Variants in DNAJC6 observed in about 807,000 individuals in gnomAD.
DNAJC6 encodes DnaJ heat shock protein family (Hsp40) member C6, also known as auxilin.
DNAJC6 carries 34 observed loss-of-function variants against 110.0 expected under a neutral mutation model. The ratio of observed to expected loss-of-function variants is 0.31; its 90% CI spans 0.24 to 0.41. DNAJC6 has a LOEUF of 0.41. Among genes scored for constraint, DNAJC6 ranks in the 10% least tolerant of loss-of-function variants. The probability of loss-of-function intolerance (pLI) is 1.00; values close to 1 mark genes in which losing one functional copy is unlikely to be tolerated. For synonymous variants in DNAJC6, 406 were observed against 437.2 expected (o/e 0.93, Z 0.89); for missense variants, 1,031 against 1,207.8 (o/e 0.85, Z 2.17).
chr1:65,345,116 A>G (rs1570305926), intron 1 of DNAJC6, among the ~76,000 whole-genome samples: 1 of 24,936 alleles, frequency 4.0e-5, no homozygotes, highest in Non-Finnish European at 8.4e-5. Context: ...GGAAGGTATC[A>G]TAGGCCTTCT....
intron 1 of DNAJC6, among the ~76,000 whole-genome samples, chr1:65,364,036 G>C (rs1337991550): frequency 6.6e-6 from 1 of 152,052 alleles, no homozygotes; most frequent in Non-Finnish European, 1.5e-5. Flanking sequence ...GGGCCGAGGA[G>C]TGCCCTGGAC....
At chr1:65,296,135 G>C (rs1003571874) in intron 1 of DNAJC6, among the ~76,000 whole-genome samples, 2 of 152,104 alleles carry the variant, frequency 1.3e-5, no homozygotes, top group African/African-American at 2.4e-5. Context: ...AGATTTCAGA[G>C]GCAAAGATGA....
At position 65,386,735 on chromosome 1, in the gene DNAJC6, A is replaced by T; in HGVS notation, c.996-77A>T. The T allele has an allele frequency of 1.2e-5, 15 of 1,249,032 alleles. 2 individuals carry two copies. The South Asian group carries it at 1.7e-4, about 14-fold the overall frequency. The allele number at this position is 1,249,032 out of a possible 1,614,324, so 77.4% of individuals were successfully genotyped here. On this transcript the variant is annotated intron_variant, in intron 7 of 18. Coordinates refer to ENST00000371069, the MANE Select transcript of DNAJC6 (RefSeq NM_001256864.2). ...GAACAGTCCTCTGGGCCAGAGCCAT[A>T]GAGAACTATACCTGTGTCTGTGTGA...
At chr1:65,328,821 C>T (rs2101443994) in intron 1 of DNAJC6, among the ~76,000 whole-genome samples, 1 of 152,300 alleles carries the variant, frequency 6.6e-6, no homozygotes, top group South Asian at 2.1e-4. Flanking sequence ...TTATAATTCT[C>T]CACCCTCCTC....
chr1:65,338,989 T>C (rs933697587), intron 1 of DNAJC6, among the ~76,000 whole-genome samples: 4 of 152,214 alleles, frequency 2.6e-5, no homozygotes, highest in Admixed American at 2.6e-4. Flanking sequence ...GCCCTCTGCG[T>C]CACATTATCC....
Position 65,401,753 on chromosome 1 carries a change from C to G in DNAJC6, c.2108-8C>G. On this transcript the variant is annotated splice_region_variant and splice_polypyrimidine_tract_variant and intron_variant, in intron 14 of 18. Transcript: ENST00000371069. ...AACTCATTTTCAATGACCTTATTTC[C>G]TTTTCAGGAGGCTTTGGAATGGGAA... is the stretch of plus-strand genomic sequence containing the variant. 6.2e-7 allele frequency: 1 copy of G among 1,608,412 alleles called. No homozygotes were observed.
chr1:65,414,202 C>T lies in DNAJC6; in HGVS notation c.*1177C>T, dbSNP rs148516808. On this transcript the variant is annotated 3_prime_UTR_variant, in exon 19 of 19. Coordinates refer to ENST00000371069, the MANE Select transcript of DNAJC6 (RefSeq NM_001256864.2). ...AAAAGTGGTTGGGGATCCACAGGAA[C>T]GACATTCATACAGGGACATTTGTGA... The T allele has an allele frequency of 1.7e-4, 26 of 152,270 alleles. No homozygotes were observed. The highest frequency in any genetic ancestry group is 4.8e-4 in the African/African-American group (20 of 41,542). The allele number at this position is 152,270 out of a possible 1,614,324, so 9.4% of individuals were successfully genotyped here.
intron 18 of DNAJC6, among the ~76,000 whole-genome samples, chr1:65,412,352 T>C (rs1646136659): frequency 6.6e-6 from 1 of 152,210 alleles, no homozygotes; most frequent in African/African-American, 2.4e-5. Flanking sequence ...ATACCAGTCA[T>C]ATGACATGAA....
rs1352841073 is a variant in DNAJC6 at position 65,413,480 on chromosome 1, T to TC, written c.*457dup. 1 of 153,166 alleles carries TC rather than the reference T, an allele frequency of 6.5e-6. No homozygotes were observed. Among genetic ancestry groups the TC allele is most frequent in the African/African-American group, 2.4e-5 (1 of 41,450 alleles). 9.5% of individuals were successfully genotyped at this position (153,166 alleles called of 1,614,324 possible). On this transcript the variant is annotated 3_prime_UTR_variant, in exon 19 of 19. Coordinates refer to ENST00000371069, the MANE Select transcript of DNAJC6 (RefSeq NM_001256864.2). ...ATTTGAGCAGTGGCTTTATGCAGAC[T>TC]CCAAGAACAAAACCACCAGGTATTT...
At chr1:65,382,963 G>A (rs1040824750) in intron 5 of DNAJC6, among the ~76,000 whole-genome samples, 1 of 152,090 alleles carries the variant, frequency 6.6e-6, no homozygotes, top group South Asian at 2.1e-4. Context: ...AGAAAGGGAG[G>A]GTATTTCAGA....
intron 1 of DNAJC6, among the ~76,000 whole-genome samples, chr1:65,330,597 T>A (rs1645279595): frequency 6.6e-6 from 1 of 152,144 alleles, no homozygotes; most frequent in Non-Finnish European, 1.5e-5. Flanking sequence ...GCCTCCCAAG[T>A]AGCTGGGACT....
chr1:65,405,640 T>C (rs535280168), intron 15 of DNAJC6, among the ~76,000 whole-genome samples: 1 of 152,052 alleles, frequency 6.6e-6, no homozygotes, highest in Non-Finnish European at 1.5e-5. Flanking sequence ...TGACCTGCAG[T>C]TTGTTCATCT....
chr1:65,390,665 T>C (rs913328848), intron 11 of DNAJC6, among the ~76,000 whole-genome samples: 39 of 152,224 alleles, frequency 2.6e-4, no homozygotes, highest in African/African-American at 9.2e-4. Flanking sequence ...TATCTGAAAT[T>C]ATCCTGATTG....
chr1:65,407,709 T>G (rs970331357), intron 16 of DNAJC6, among the ~76,000 whole-genome samples: 1 of 152,220 alleles, frequency 6.6e-6, no homozygotes, highest in African/African-American at 2.4e-5. Flanking sequence ...CAAATACTTA[T>G]GGAGCATCTT....
chr1:65,399,538 C>G (rs1646010555), intron 14 of DNAJC6, among the ~76,000 whole-genome samples: 1 of 152,142 alleles, frequency 6.6e-6, no homozygotes, highest in Non-Finnish European at 1.5e-5. Context: ...TTGTAGCAAC[C>G]CCTTCCCCAC....
chr1:65,411,434 TA>T lies in DNAJC6; in HGVS notation c.2811+10del. ...GTGGTGCACCCAGATAAAGTGGGTA[TA>T]ACCTGCCCTGTTGTGTAACTTGTCA... is the stretch of plus-strand genomic sequence containing the variant. On this transcript the variant is annotated intron_variant, in intron 18 of 18. Transcript: ENST00000371069. The T allele has an allele frequency of 6.2e-7, 1 of 1,611,156 alleles. No homozygotes were observed. The highest frequency in any genetic ancestry group is 8.5e-7 in the Non-Finnish European group (1 of 1,177,748).
chr1:65,300,716 T>C (rs771195536), intron 1 of DNAJC6, among the ~76,000 whole-genome samples: 4 of 152,194 alleles, frequency 2.6e-5, no homozygotes, highest in Non-Finnish European at 4.4e-5. Context: ...GAAAAACCCA[T>C]GCACTTAGTT....
intron 1 of DNAJC6, among the ~76,000 whole-genome samples, chr1:65,344,770 G>C (rs1645421652): frequency 6.6e-6 from 1 of 152,080 alleles, no homozygotes; most frequent in African/African-American, 2.4e-5. Flanking sequence ...AAGCCAGAAA[G>C]GCAGGCAGAA....
intron 1 of DNAJC6, among the ~76,000 whole-genome samples, chr1:65,334,792 T>G (rs535027651): frequency 6.6e-6 from 1 of 152,176 alleles, no homozygotes; most frequent in African/African-American, 2.4e-5. Flanking sequence ...CTCAGATTTC[T>G]TTGTATCTAC....
Sources: allele counts gnomAD v4.1 joint callset (sites outside exome capture counted in the v4.1 genomes callset), GRCh38; gene constraint gnomAD v4.1.1; transcripts MANE v1.5; gene names NCBI Gene and HGNC (gene_info 2026-07-23, HGNC 2026-07-21).